Variants in PACC1 observed in about 807,000 individuals in gnomAD.
PACC1 encodes the protein proton-activated chloride channel.
PACC1 carries 34 observed loss-of-function variants against 39.7 expected under a neutral mutation model. That is an observed-to-expected ratio of 0.86 (90% CI 0.65 to 1.14). PACC1 has a LOEUF of 1.14. Ranked by LOEUF, PACC1 falls within the 50% of genes most tolerant of loss-of-function variation. The pLI is 0.00. For missense variants in PACC1, 379 were observed against 436.4 expected, an observed-to-expected ratio of 0.87 and a Z score of 1.17; for synonymous variants, 127 against 160.6, an observed-to-expected ratio of 0.79 and a Z score of 1.58.
chr1:212,377,372 T>A (rs527299988), intron 6 of PACC1, among the ~76,000 whole-genome samples, 190 bp downstream of exon 6: 1 of 152,206 alleles, frequency 6.6e-6, no homozygotes, highest in East Asian at 1.9e-4. Context: ...GTGCGCTGCC[T>A]GCAGAAGCAC....
rs1396869547 is a variant in PACC1, at chr1:212,410,450, T to C, written c.108A>G (p.Arg36=). 6.2e-7 allele frequency: 1 copy of C among 1,614,210 alleles called. No individual in the cohort carries two copies. Among genetic ancestry groups the C allele is most frequent in the Admixed American group, 1.7e-5 (1 of 60,034 alleles). ...CTGGTAAGATACCCGGACCTTGGAC[T>C]CTGACCGTCTCCTTGTCCTGCTCGT... is the stretch of plus-strand genomic sequence containing the variant. ...LADEQDKETV[R]VQGPGILPGL... The change falls in exon 2 of 8, where the codon AGA becomes AGG. Residue 36 remains arginine (R), a synonymous_variant. Coordinates refer to ENST00000261455, the MANE Select transcript of PACC1 (RefSeq NM_018252.3).
rs144698198 is a variant in PACC1 at position 212,379,249 on chromosome 1, T to C, written c.638+646A>G. Among the ~76,000 whole-genome samples the C allele has an allele frequency of 4.6e-5, 7 of 152,288 alleles. No individual in the cohort carries two copies. The East Asian group carries it at 1.4e-3, about 29-fold the overall frequency. ...TGAGCCACCACACCTGGCCATGATTTTCTTAATAACATTTTTTTTCTCTAG... is the reference window on the plus strand; with the variant it reads ...TGAGCCACCACACCTGGCCATGATTCTCTTAATAACATTTTTTTTCTCTAG... On this transcript the variant is annotated intron_variant, in intron 5 of 7. Transcript: ENST00000261455.
intron 2 of PACC1, among the ~76,000 whole-genome samples, chr1:212,391,385 C>A (rs1312253379): frequency 1.3e-5 from 2 of 152,206 alleles, no homozygotes; most frequent in African/African-American, 2.4e-5. Context: ...AGAGTCCTGA[C>A]TGTTAGAAGG....
chr1:212,396,410 G>A (rs1169933692), intron 2 of PACC1, among the ~76,000 whole-genome samples: 1 of 152,134 alleles, frequency 6.6e-6, no homozygotes, highest in East Asian at 1.9e-4. Flanking sequence ...ACACAGGAAG[G>A]GGAACATCAC....
intron 2 of PACC1, among the ~76,000 whole-genome samples, chr1:212,398,544 C>T (rs926442620): frequency 1.3e-5 from 2 of 152,174 alleles, no homozygotes; most frequent in Admixed American, 6.5e-5. Flanking sequence ...TGGAGGTTTA[C>T]TCTACAGGTA....
At chr1:212,382,076 T>C (rs1660918991) in intron 4 of PACC1, among the ~76,000 whole-genome samples, 1 of 152,160 alleles carries the variant, frequency 6.6e-6, no homozygotes, top group African/African-American at 2.4e-5. Context: ...TCTCGCTCTG[T>C]TGCCCAAGCT....
chr1:212,413,495 A>C (rs1307454910), intron 1 of PACC1, among the ~76,000 whole-genome samples: 2 of 152,238 alleles, frequency 1.3e-5, no homozygotes, highest in Non-Finnish European at 2.9e-5. Context: ...CCTATGGAAC[A>C]CATGGAACTT....
chr1:212,383,110 A>G (rs993580349), intron 4 of PACC1, among the ~76,000 whole-genome samples: 4 of 152,190 alleles, frequency 2.6e-5, no homozygotes, highest in African/African-American at 7.2e-5. Flanking sequence ...CTTCTCTGTT[A>G]GTTTATAGCT....
In PACC1 at chr1:212,385,433, C is replaced by T. The variant is rs775871538; in HGVS notation, c.344-8G>A. 6.2e-7 allele frequency: 1 copy of T among 1,613,884 alleles called. No individual in the cohort carries two copies. Among genetic ancestry groups the T allele is most frequent in the Non-Finnish European group, 8.5e-7 (1 of 1,179,888 alleles). ...CGGGGTACAAGGCAATACCTGGGGG[C>T]ACAAACAGGAAAAGCAAGTGTCAGA... On this transcript the variant is annotated splice_polypyrimidine_tract_variant and splice_region_variant and intron_variant, in intron 3 of 7. Transcript: ENST00000261455.
At chr1:212,412,743 A>G (rs529163913) in intron 1 of PACC1, among the ~76,000 whole-genome samples, 1 of 152,284 alleles carries the variant, frequency 6.6e-6, no homozygotes, top group East Asian at 1.9e-4. Context: ...CTATGTGTGG[A>G]TGGTGAGGCA....
chr1:212,375,056 T>G (rs1484834519), intron 7 of PACC1, 137 bp downstream of exon 7: 10 of 585,436 alleles, frequency 1.7e-5, no homozygotes, highest in Non-Finnish European at 2.8e-5. Context: ...TGAGGACAGG[T>G]AGGTAGACTT....
At position 212,370,338 on chromosome 1, in the gene PACC1, A is replaced by G. The variant is rs376537106; in HGVS notation, c.891+4855T>C. On this transcript the variant is annotated intron_variant, in intron 7 of 7. Coordinates refer to ENST00000261455, the MANE Select transcript of PACC1 (RefSeq NM_018252.3). ...AAAAAAATTAGCCGGGCCTGGTGGC[A>G]GGCGCCTGTAGTCCCAGCTACTCGG... Among the ~76,000 whole-genome samples the G allele has an allele frequency of 9.9e-5, 15 of 152,274 alleles. No individual in the cohort carries two copies. In the East Asian group the frequency reaches 1.2e-3, roughly 12 times the overall value.
At chr1:212,382,013 A>G (rs1022138213) in intron 4 of PACC1, among the ~76,000 whole-genome samples, 4 of 150,736 alleles carry the variant, frequency 2.7e-5, no homozygotes, top group African/African-American at 7.3e-5. Flanking sequence ...TGACTAATAC[A>G]CAATTTGTTA....
intron 2 of PACC1, among the ~76,000 whole-genome samples, chr1:212,404,930 C>T (rs892107888): frequency 3.9e-5 from 6 of 151,926 alleles, no homozygotes; most frequent in South Asian, 4.2e-4. Context: ...CACCATGCCC[C>T]GGCTAGTTTT....
intron 2 of PACC1, among the ~76,000 whole-genome samples, chr1:212,404,493 T>C (rs1345401289): frequency 6.6e-6 from 1 of 151,624 alleles, no homozygotes; most frequent in Non-Finnish European, 1.5e-5. Context: ...CAAGTCTATC[T>C]TTCCTACCTC....
intron 7 of PACC1, among the ~76,000 whole-genome samples, chr1:212,369,271 T>G (rs1477288239): frequency 1.3e-5 from 2 of 152,128 alleles, no homozygotes; most frequent in Admixed American, 6.5e-5. Flanking sequence ...TTTAAAGAGA[T>G]AATCATTTAT....
Position 212,375,179 on chromosome 1 carries a change from T to A in PACC1, c.891+14A>T, listed in dbSNP as rs766253028. 121 of 1,557,336 alleles carry A rather than the reference T, an allele frequency of 7.8e-5. No homozygotes were observed. Among genetic ancestry groups the A allele is most frequent in the Non-Finnish European group, 4.4e-6 (5 of 1,129,216 alleles). On this transcript the variant is annotated intron_variant, in intron 7 of 7. Transcript: ENST00000261455. ...ATAATCTTAAATAATACTATCATAA[T>A]CTTAAATACTCACATCTTGGACTTT... is the stretch of plus-strand genomic sequence containing the variant.
chr1:212,394,429 C>T (rs6669027), intron 2 of PACC1, among the ~76,000 whole-genome samples: 40,819 of 152,050 alleles, frequency 0.27, 7,551 homozygotes, highest in African/African-American at 0.53. Flanking sequence ...ATTGATGGGA[C>T]GTATCTAAAA....
chr1:212,402,985 GA>G (rs1661771423), intron 2 of PACC1, among the ~76,000 whole-genome samples: 1 of 152,112 alleles, frequency 6.6e-6, no homozygotes, highest in South Asian at 2.1e-4. Context: ...TCTAATCTAT[GA>G]ATTTTTTCTT....
Sources: allele counts gnomAD v4.1 joint callset (sites outside exome capture counted in the v4.1 genomes callset), GRCh38; gene constraint gnomAD v4.1.1; transcripts MANE v1.5; gene names NCBI Gene and HGNC (gene_info 2026-07-23, HGNC 2026-07-21).